The following TENM3 variants were observed in gnomAD, a reference collection of about 807,000 sequenced individuals.
TENM3 encodes teneurin-3.
A neutral mutation model predicts 255.1 loss-of-function variants in TENM3; 63 were observed. That is an observed-to-expected ratio of 0.25 (90% CI 0.20 to 0.30). The LOEUF is 0.30. Among genes scored for constraint, TENM3 ranks in the 10% least tolerant of loss-of-function variants. The pLI is 1.00. For missense variants in TENM3, 2,929 were observed against 3,461.1 expected, an observed-to-expected ratio of 0.85 and a Z score of 3.86; for synonymous variants, 1,306 against 1,322.3, an observed-to-expected ratio of 0.99 and a Z score of 0.27.
the TENM3 span, among the ~76,000 whole-genome samples, chr4:181,640,454 C>T: frequency 1.3e-5 from 2 of 152,152 alleles, no homozygotes; most frequent in South Asian, 4.1e-4. Flanking sequence ...ATAGTGCTTT[C>T]CTGCAGGCAT....
upstream of TENM3, among the ~76,000 whole-genome samples, chr4:182,240,985 C>T (rs796584571): frequency 1.2e-4 from 19 of 152,298 alleles, no homozygotes; most frequent in African/African-American, 2.9e-4. Context: ...CTCTGAAGCC[C>T]GCTTCTCATC....
intron 1 of TENM3, among the ~76,000 whole-genome samples, chr4:182,194,961 G>C (rs192864927): frequency 6.2e-4 from 94 of 151,588 alleles, no homozygotes; most frequent in African/African-American, 1.9e-3. Context: ...ACATAGTAGG[G>C]TCACTTCAGA....
At chr4:182,248,536 G>A (rs1401195115) in intron 1 of TENM3, among the ~76,000 whole-genome samples, 1 of 151,958 alleles carries the variant, frequency 6.6e-6, no homozygotes, top group Non-Finnish European at 1.5e-5. Flanking sequence ...TAGTAAGTTG[G>A]GTAATTTAAG....
intron 5 of TENM3, among the ~76,000 whole-genome samples, chr4:182,630,018 A>G (rs1561029057): frequency 6.6e-6 from 1 of 152,200 alleles, no homozygotes; most frequent in Non-Finnish European, 1.5e-5. Context: ...AGACATCATT[A>G]ATGATTCACA....
the TENM3 span, among the ~76,000 whole-genome samples, chr4:181,704,047 A>G: frequency 6.6e-6 from 1 of 152,126 alleles, no homozygotes; most frequent in African/African-American, 2.4e-5. Flanking sequence ...GCAATGAGGG[A>G]GGTGGATGCG....
chr4:181,803,503 A>T, the TENM3 span, among the ~76,000 whole-genome samples: 2 of 152,204 alleles, frequency 1.3e-5, no homozygotes, highest in African/African-American at 4.8e-5. Flanking sequence ...TCAGTCCTGA[A>T]TTAAGGAGCT....
chr4:182,318,532 G>C (rs1391573477), intron 1 of TENM3, among the ~76,000 whole-genome samples: 1 of 152,124 alleles, frequency 6.6e-6, no homozygotes, highest in South Asian at 2.1e-4. Context: ...ATCAACCTAA[G>C]TTTAGTGTCC....
At chr4:181,993,073 G>A in the TENM3 span, among the ~76,000 whole-genome samples, 1 of 152,062 alleles carries the variant, frequency 6.6e-6, no homozygotes. Context: ...ATAATTGCCT[G>A]TAAGGACTTT....
At chr4:182,203,483 G>A (rs111592750) in intron 1 of TENM3, among the ~76,000 whole-genome samples, 13 of 152,292 alleles carry the variant, frequency 8.5e-5, no homozygotes, top group African/African-American at 2.9e-4. Context: ...TTTTTGGAGC[G>A]CTGAGAGCTG....
chr4:181,610,014 G>A, the TENM3 span, among the ~76,000 whole-genome samples: 46 of 152,174 alleles, frequency 3.0e-4, 1 homozygote, highest in Admixed American at 2.2e-3. Context: ...TCCTGTCTTC[G>A]TAAAGTAACA....
At chr4:181,906,133 A>G in the TENM3 span, 1 of 319,230 alleles carries the variant, frequency 3.1e-6, no homozygotes. Flanking sequence ...GCAATTTGGG[A>G]AGGTGTGTAT....
intron 4 of TENM3, among the ~76,000 whole-genome samples, chr4:182,619,917 G>T (rs1296855320): frequency 6.6e-6 from 1 of 152,188 alleles, no homozygotes; most frequent in East Asian, 1.9e-4. Context: ...AGAAGCCGCC[G>T]CGGCTGCTGC....
intron 1 of TENM3, among the ~76,000 whole-genome samples, chr4:182,168,021 C>T (rs1236806777): frequency 6.6e-6 from 1 of 152,106 alleles, no homozygotes; most frequent in African/African-American, 2.4e-5. Flanking sequence ...TCTGTTCATC[C>T]CGTCACACCT....
Position 182,679,788 on chromosome 4 carries a change from C to G in TENM3, c.1449C>G (p.Ile483Met), listed in dbSNP as rs761664403. The G allele has an allele frequency of 1.9e-6, 3 of 1,613,884 alleles. No homozygotes were observed. Among genetic ancestry groups the G allele is most frequent in the Middle Eastern group, 1.7e-4 (1 of 6,052 alleles). Residue 483 changes from isoleucine (I) to methionine (M), a missense_variant, in exon 8 of 28, where the codon ATC becomes ATG. Transcript: ENST00000511685. ...RSVSLHEAGF[I>M]QYLDSGIWHL... ...TCAGCCTTCATGAGGCCGGCTTTAT[C>G]CAGTACTTGGATTCTGGAATCTGGC...
In TENM3 at chr4:182,751,778, TTATC is replaced by T. The variant is rs1435170126; in HGVS notation, c.3630-18_3630-15del. ...TATTAGGAGTAACTCCCTTTGATGTTTATCTATGATCCTTTTCACAGCAGCAACC... is the reference window on the plus strand; with the variant it reads ...TATTAGGAGTAACTCCCTTTGATGTTTATGATCCTTTTCACAGCAGCAACC... On this transcript the variant is annotated intron_variant, in intron 19 of 27. Coordinates refer to ENST00000511685, the MANE Select transcript of TENM3 (RefSeq NM_001080477.4). The T allele has an allele frequency of 6.4e-7, 1 of 1,574,660 alleles. No homozygotes were observed. The highest frequency in any genetic ancestry group is 1.1e-5 in the South Asian group (1 of 90,322).
chr4:182,072,269 A>C, the TENM3 span, among the ~76,000 whole-genome samples: 1 of 152,190 alleles, frequency 6.6e-6, no homozygotes, highest in African/African-American at 2.4e-5. Flanking sequence ...TAGCATAGAC[A>C]TTGTTCATGA....
At chr4:181,968,590 G>A in the TENM3 span, among the ~76,000 whole-genome samples, 5 of 152,190 alleles carry the variant, frequency 3.3e-5, no homozygotes, top group Non-Finnish European at 7.4e-5. Flanking sequence ...AATGCTAACC[G>A]CAGAGAATAC....
At chr4:181,532,606 T>A in the TENM3 span, among the ~76,000 whole-genome samples, 1 of 152,290 alleles carries the variant, frequency 6.6e-6, no homozygotes, top group Admixed American at 6.5e-5. Flanking sequence ...TTTGAGTATA[T>A]CTTATACTTG....
intron 3 of TENM3, among the ~76,000 whole-genome samples, chr4:182,581,914 T>C (rs1745531162): frequency 1.3e-5 from 2 of 152,144 alleles, no homozygotes; most frequent in African/African-American, 4.8e-5. Flanking sequence ...ACCTCACATA[T>C]ATTTTTGTTT....
Sources: gnomAD v4.1 joint callset for allele counts (sites outside exome capture counted in the v4.1 genomes callset) on GRCh38, gnomAD v4.1.1 for gene constraint, MANE v1.5 for transcripts, NCBI Gene and HGNC (gene_info 2026-07-23, HGNC 2026-07-21) for gene names.